RAPGEF6: variants seen among roughly 807,000 people sequenced by gnomAD.
The protein encoded by RAPGEF6 is PDZ domain containing guanine nucleotide exchange factor (GEF) 2.
In RAPGEF6, 56 loss-of-function variants were observed where a neutral mutation model predicts 171.4. The observed-to-expected ratio is 0.33, with a 90% CI of 0.26 to 0.41. The LOEUF is 0.41. Among genes scored for constraint, RAPGEF6 ranks in the 10% least tolerant of loss-of-function variants. RAPGEF6 has a pLI of 1.00. For missense variants in RAPGEF6, 1,674 were observed against 1,921.4 expected, an observed-to-expected ratio of 0.87 and a Z score of 2.41; for synonymous variants, 692 against 650.1, an observed-to-expected ratio of 1.06 and a Z score of -0.98.
Position 131,472,573 on chromosome 5 carries a change from C to T in RAPGEF6, c.2239+14G>A. On this transcript the variant is annotated intron_variant, in intron 17 of 27. Coordinates refer to ENST00000509018, the MANE Select transcript of RAPGEF6 (RefSeq NM_016340.6). The stretch of plus-strand genomic sequence containing the variant: ...GTACCAATACGGCAATATAAAATCA[C>T]ATATGAAAATTACCTGAAGGATTGG... The T allele has an allele frequency of 1.2e-6, 2 of 1,609,648 alleles. No homozygotes were observed. Among genetic ancestry groups the T allele is most frequent in the South Asian group, 2.2e-5 (2 of 90,950 alleles).
intron 17 of RAPGEF6, among the ~76,000 whole-genome samples, chr5:131,466,207 G>A (rs1329232414): frequency 6.6e-6 from 1 of 151,904 alleles, no homozygotes; most frequent in Non-Finnish European, 1.5e-5. Flanking sequence ...GAATGTTCTG[G>A]GTCCTCTCAA....
intron 3 of RAPGEF6, among the ~76,000 whole-genome samples, chr5:131,595,308 G>A (rs775752791): frequency 6.6e-6 from 1 of 152,104 alleles, no homozygotes; most frequent in Non-Finnish European, 1.5e-5. Flanking sequence ...CCGTGGTAAG[G>A]AGTGCTTGTT....
At chr5:131,518,682 C>T (rs1382362139) in intron 7 of RAPGEF6, among the ~76,000 whole-genome samples, 2 of 152,126 alleles carry the variant, frequency 1.3e-5, no homozygotes, top group Admixed American at 1.3e-4. Flanking sequence ...AGGCTTGAGC[C>T]ACTGTGCCCA....
chr5:131,595,244 A>T (rs1176888371), intron 3 of RAPGEF6, among the ~76,000 whole-genome samples: 22 of 151,976 alleles, frequency 1.4e-4, no homozygotes, highest in Non-Finnish European at 2.5e-4. Context: ...ACAAGATCTG[A>T]TGGTTTAAGT....
intron 24 of RAPGEF6, 59 bp from the exon 25 acceptor site, chr5:131,433,717 G>C: frequency 8.1e-7 from 1 of 1,234,028 alleles, no homozygotes; most frequent in Non-Finnish European, 1.2e-6. Context: ...GGTGGGGGTA[G>C]TAGGGGAAAG....
intron 17 of RAPGEF6, among the ~76,000 whole-genome samples, chr5:131,464,881 G>A (rs78303958): frequency 1.3e-5 from 2 of 152,188 alleles, no homozygotes; most frequent in Non-Finnish European, 2.9e-5. Flanking sequence ...TAATCCTAGA[G>A]TGTAAGGGAA....
rs1752012462 is a variant in RAPGEF6 at position 131,436,469 on chromosome 5, CT to C, written c.3746-2812del. On this transcript the variant is annotated intron_variant, in intron 24 of 27. Transcript: ENST00000509018. Reference sequence around the variant, plus strand: ...TTTCACTATTTAAAAATTCTAACATCTTGATAATATCTGAAAAATTGAAATC... The same window carrying C: ...TTTCACTATTTAAAAATTCTAACATCTGATAATATCTGAAAAATTGAAATC... 6 of 1,190,802 alleles carry C rather than the reference CT, an allele frequency of 5.0e-6. No homozygotes were observed. In the African/African-American group the frequency reaches 7.7e-5, roughly 15 times the overall value. 73.8% of individuals were successfully genotyped at this position (1,190,802 alleles called of 1,614,324 possible).
intron 19 of RAPGEF6, among the ~76,000 whole-genome samples, chr5:131,459,887 T>C (rs1474973933): frequency 6.6e-6 from 1 of 152,178 alleles, no homozygotes; most frequent in Non-Finnish European, 1.5e-5. Context: ...GTACTCTTTA[T>C]CTTTAAAATT....
intron 5 of RAPGEF6, among the ~76,000 whole-genome samples, chr5:131,552,300 T>C (rs1306327936): frequency 6.6e-6 from 1 of 151,702 alleles, no homozygotes; most frequent in Admixed American, 6.6e-5. Context: ...TGAACAAAAA[T>C]TGCCTTCCCC....
intron 4 of RAPGEF6, among the ~76,000 whole-genome samples, chr5:131,587,320 C>G (rs116040982): frequency 0.019 from 2,824 of 152,196 alleles, 92 homozygotes; most frequent in African/African-American, 0.064. Context: ...TATAATAACC[C>G]TCAACTAAGG....
Position 131,489,607 on chromosome 5 carries a change from T to A in RAPGEF6, c.1779A>T (p.Lys593Asn). The stretch of plus-strand genomic sequence containing the variant: ...TATTATTCCTCAAAATTTCAACGGC[T>A]TTCATAAATGTAATATTCTCAAAGT... ...GQNFENITFM[K>N]AVEILRNNTH... The change falls in exon 15 of 28, where the codon AAA becomes AAT. Residue 593 changes from lysine to asparagine, a missense_variant. Around this residue, in one of 3 missense-constraint regions of RAPGEF6, gnomAD observed 1,116 missense variants for 1,321.5 expected, o/e 0.84. Transcript: ENST00000509018. 1 of 1,598,066 alleles carries A rather than the reference T, an allele frequency of 6.3e-7. No individual in the cohort carries two copies. The highest frequency in any genetic ancestry group is 8.5e-7 in the Non-Finnish European group (1 of 1,171,948).
chr5:131,453,780 T>C lies in RAPGEF6; in HGVS notation c.3077-603A>G, dbSNP rs149354064. Among the ~76,000 whole-genome samples, 573 of 152,308 alleles carry C rather than the reference T, an allele frequency of 3.8e-3. 4 individuals carry two copies. Among genetic ancestry groups the C allele is most frequent in the African/African-American group, 0.013 (543 of 41,568 alleles). Reference sequence around the variant, plus strand: ...AGGAACATACGGTAAACAGCACGTATAGATTGGACACATGAATTGTTCAGG... The same window carrying C: ...AGGAACATACGGTAAACAGCACGTACAGATTGGACACATGAATTGTTCAGG... On this transcript the variant is annotated intron_variant, in intron 20 of 27. Coordinates refer to ENST00000509018, the MANE Select transcript of RAPGEF6 (RefSeq NM_016340.6).
chr5:131,586,338 C>T (rs1190106641), intron 4 of RAPGEF6, among the ~76,000 whole-genome samples: 4 of 152,144 alleles, frequency 2.6e-5, no homozygotes, highest in African/African-American at 9.7e-5. Flanking sequence ...AGGAACAGAC[C>T]TGAGAAGTCA....
intron 12 of RAPGEF6, 116 bp downstream of exon 12, chr5:131,498,327 T>G: frequency 1.1e-6 from 1 of 938,456 alleles, no homozygotes. Context: ...GGTTCATTAA[T>G]TTTTTTAGGT....
At chr5:131,516,008 AGAT>A (rs1350845016) in intron 7 of RAPGEF6, among the ~76,000 whole-genome samples, 1 of 150,510 alleles carries the variant, frequency 6.6e-6, no homozygotes, top group East Asian at 2.0e-4. Flanking sequence ...GATAGTCAAA[AGAT>A]GATAACAGAT....
intron 23 of RAPGEF6, among the ~76,000 whole-genome samples, chr5:131,440,611 A>G (rs1752319103): frequency 6.6e-6 from 1 of 151,494 alleles, no homozygotes; most frequent in South Asian, 2.1e-4. Flanking sequence ...GGTGGCATGC[A>G]CCTGTAATCC....
chr5:131,633,278 T>C (rs1450642795), intron 1 of RAPGEF6, among the ~76,000 whole-genome samples: 1 of 151,964 alleles, frequency 6.6e-6, no homozygotes, highest in Non-Finnish European at 1.5e-5. Flanking sequence ...GAGGTTGCAG[T>C]GAGCAGAGAT....
At chr5:131,620,159 AT>A (rs1372653863) in intron 1 of RAPGEF6, among the ~76,000 whole-genome samples, 2 of 151,644 alleles carry the variant, frequency 1.3e-5, no homozygotes, top group East Asian at 3.9e-4. Flanking sequence ...TAGGTTTCTC[AT>A]TTTTTTCTTA....
intron 16 of RAPGEF6, among the ~76,000 whole-genome samples, chr5:131,475,508 A>T (rs1190323592): frequency 1.3e-5 from 2 of 152,230 alleles, no homozygotes; most frequent in Non-Finnish European, 2.9e-5. Flanking sequence ...AATGGGGAGG[A>T]AAAATATAAT....
Sources: gnomAD v4.1 joint callset for allele counts (sites outside exome capture counted in the v4.1 genomes callset) on GRCh38, gnomAD v4.1.1 for gene constraint, gnomAD v4.1.1 regional missense constraint, MANE v1.5 for transcripts, NCBI Gene and HGNC (gene_info 2026-07-23, HGNC 2026-07-21) for gene names.